Variants in DOCK3 observed in about 807,000 individuals in gnomAD.
The protein encoded by DOCK3 is dedicator of cytokinesis protein 3.
In DOCK3, 60 loss-of-function variants were observed where a neutral mutation model predicts 265.6. That is an observed-to-expected ratio of 0.23 (90% confidence interval 0.18 to 0.28). The LOEUF (loss-of-function observed/expected upper bound fraction) is 0.28. Ranked by LOEUF, DOCK3 falls within the 10% of genes least tolerant of loss-of-function variation. DOCK3 has a pLI of 1.00. For synonymous variants in DOCK3, 881 were observed against 938.0 expected (o/e 0.94, Z 1.11); for missense variants, 1,981 against 2,594.3 (o/e 0.76, Z 5.14).
chr3:50,976,708 C>G (rs1405388420), intron 5 of DOCK3, among the ~76,000 whole-genome samples: 1 of 151,760 alleles, frequency 6.6e-6, no homozygotes, highest in Admixed American at 6.6e-5. Flanking sequence ...TGTTGACTTT[C>G]TGTCTTGTTG....
At chr3:51,249,101 G>A (rs1268316125) in intron 22 of DOCK3, among the ~76,000 whole-genome samples, 1 of 127,546 alleles carries the variant, frequency 7.8e-6, no homozygotes, top group Non-Finnish European at 1.8e-5. Flanking sequence ...GGAGGGAGGT[G>A]GGGGGGGTCA....
intron 9 of DOCK3, among the ~76,000 whole-genome samples, chr3:51,120,559 G>A (rs927074623): frequency 3.3e-5 from 5 of 152,276 alleles, no homozygotes; most frequent in African/African-American, 9.6e-5. Context: ...CTGAAGCTGC[G>A]CCCACACCTG....
chr3:51,018,834 T>C (rs1474046270), intron 5 of DOCK3, among the ~76,000 whole-genome samples: 2 of 151,982 alleles, frequency 1.3e-5, no homozygotes, highest in Non-Finnish European at 2.9e-5. Context: ...TTCCTATTCT[T>C]CTGTTCAGTT....
At chr3:50,715,825 A>G (rs973016028) in intron 1 of DOCK3, among the ~76,000 whole-genome samples, 4 of 152,146 alleles carry the variant, frequency 2.6e-5, no homozygotes, top group Non-Finnish European at 4.4e-5. Context: ...TCTGGTTGGC[A>G]TTAGGAGCCA....
At chr3:51,155,807 A>G (rs1040199054) in intron 10 of DOCK3, among the ~76,000 whole-genome samples, 3 of 152,224 alleles carry the variant, frequency 2.0e-5, no homozygotes, top group African/African-American at 4.8e-5. Context: ...CAATGGCTCT[A>G]TATACAAATG....
rs1365714658 is a variant in DOCK3, at chr3:51,312,192, A to G, written c.3093+113A>G. The G allele has an allele frequency of 4.1e-6, 4 of 978,870 alleles. No homozygotes were observed. The African/African-American group carries it at 6.5e-5, about 16-fold the overall frequency. 60.6% of individuals were successfully genotyped at this position (978,870 alleles called of 1,614,324 possible). On this transcript the variant is annotated intron_variant, in intron 29 of 52. Coordinates refer to ENST00000266037, the MANE Select transcript of DOCK3 (RefSeq NM_004947.5). ...GATTCATAGTATCAAACAGCTTCCA[A>G]GCCTGATGATGATTAGAATATGACC...
chr3:51,116,927 C>T (rs2083768289), intron 9 of DOCK3, among the ~76,000 whole-genome samples: 1 of 152,158 alleles, frequency 6.6e-6, no homozygotes, highest in Admixed American at 6.5e-5. Flanking sequence ...ATTTGACTTC[C>T]TCTCTTTCCA....
At chr3:50,715,963 G>A (rs528267720) in intron 1 of DOCK3, among the ~76,000 whole-genome samples, 9 of 152,054 alleles carry the variant, frequency 5.9e-5, no homozygotes, top group South Asian at 4.2e-4. Flanking sequence ...AGTGAGTGAA[G>A]GCTAGTATCT....
Position 50,757,802 on chromosome 3 carries a change from C to A in DOCK3, c.38-20873C>A, listed in dbSNP as rs1459093081. Among the ~76,000 whole-genome samples the A allele has an allele frequency of 2.6e-5, 4 of 151,968 alleles. No homozygotes were observed. In the East Asian group the frequency reaches 7.7e-4, roughly 29 times the overall value. ...TTGTTTATGATGTGAAGTAAGAATC[C>A]AAGTTCATACTTTGCCTGTGGATAT... On this transcript the variant is annotated intron_variant, in intron 1 of 52. Coordinates refer to ENST00000266037, the MANE Select transcript of DOCK3 (RefSeq NM_004947.5).
chr3:50,784,021 C>G (rs2042059520), intron 2 of DOCK3, among the ~76,000 whole-genome samples: 1 of 152,116 alleles, frequency 6.6e-6, no homozygotes, highest in Non-Finnish European at 1.5e-5. Context: ...GTGCCTGCCA[C>G]CACGCCTGGC....
intron 28 of DOCK3, among the ~76,000 whole-genome samples, chr3:51,311,465 A>C (rs2083062638): frequency 6.6e-6 from 1 of 152,198 alleles, no homozygotes; most frequent in African/African-American, 2.4e-5. Context: ...GTGATTACTC[A>C]AGCTAGACCA....
intron 5 of DOCK3, among the ~76,000 whole-genome samples, chr3:51,019,663 C>G (rs2079503063): frequency 6.6e-6 from 1 of 151,772 alleles, no homozygotes; most frequent in Non-Finnish European, 1.5e-5. Flanking sequence ...GTGTTGTTCC[C>G]CAACCCCACC....
chr3:50,994,287 A>G (rs1358202854), intron 5 of DOCK3, among the ~76,000 whole-genome samples: 1 of 152,256 alleles, frequency 6.6e-6, no homozygotes, highest in African/African-American at 2.4e-5. Context: ...AAGCAGTTAC[A>G]ATGTATTAGA....
At chr3:50,784,465 T>C (rs2042083772) in intron 2 of DOCK3, among the ~76,000 whole-genome samples, 1 of 152,216 alleles carries the variant, frequency 6.6e-6, no homozygotes, top group African/African-American at 2.4e-5. Flanking sequence ...ATTTGTTCTT[T>C]TTGCTTAGTC....
At chr3:50,783,794 G>A (rs988063610) in intron 2 of DOCK3, among the ~76,000 whole-genome samples, 5 of 151,130 alleles carry the variant, frequency 3.3e-5, no homozygotes, top group African/African-American at 1.2e-4. Flanking sequence ...GTCTAGAAGG[G>A]GTTTTCCGAT....
At chr3:50,954,110 G>A (rs939132895) in intron 5 of DOCK3, among the ~76,000 whole-genome samples, 2 of 151,492 alleles carry the variant, frequency 1.3e-5, no homozygotes, top group South Asian at 4.2e-4. Context: ...TTAACCCCAC[G>A]TTTCTCCCTC....
chr3:50,749,522 A>G (rs1004325597), intron 1 of DOCK3, among the ~76,000 whole-genome samples: 1 of 152,156 alleles, frequency 6.6e-6, no homozygotes, highest in East Asian at 1.9e-4. Context: ...AAGGATAGAT[A>G]TTTCTGTGAG....
chr3:50,851,271 A>G (rs1453892584), intron 3 of DOCK3, among the ~76,000 whole-genome samples: 1 of 152,090 alleles, frequency 6.6e-6, no homozygotes, highest in Non-Finnish European at 1.5e-5. Flanking sequence ...TTTATGCACA[A>G]GAGGGGTGGG....
chr3:51,350,440 T>G lies in DOCK3; in HGVS notation c.4107+48T>G, dbSNP rs1438718268. 1.9e-6 allele frequency: 3 copies of G among 1,580,174 alleles called. No homozygotes were observed. The South Asian group carries it at 3.5e-5, about 18-fold the overall frequency. ...AAGAACTTATATATTTTACGCATAA[T>G]TCACTTAAAACCGATATTCTTTTCT... is the stretch of plus-strand genomic sequence containing the variant. On this transcript the variant is annotated intron_variant, in intron 40 of 52. Transcript: ENST00000266037.
Sources: allele counts gnomAD v4.1 joint callset (sites outside exome capture counted in the v4.1 genomes callset), GRCh38; gene constraint gnomAD v4.1.1; transcripts MANE v1.5; gene names NCBI Gene and HGNC (gene_info 2026-07-23, HGNC 2026-07-21).